SRGAP2: variants seen among roughly 807,000 people sequenced by gnomAD.
SRGAP2 encodes SLIT-ROBO Rho GTPase-activating protein 2.
In SRGAP2, 15 loss-of-function variants were observed where a neutral mutation model predicts 57.2. The observed-to-expected ratio is 0.26, with a 90% CI of 0.18 to 0.40. The LOEUF (loss-of-function observed/expected upper bound fraction) is 0.40. Among genes scored for constraint, SRGAP2 ranks in the 10% least tolerant of loss-of-function variants. The pLI is 1.00. For synonymous variants in SRGAP2, 249 were observed against 248.0 expected, an observed-to-expected ratio of 1.00 and a Z score of -0.04; for missense variants, 520 against 669.6, an observed-to-expected ratio of 0.78 and a Z score of 2.47.
rs530831171 is a variant in SRGAP2 at position 206,334,646 on chromosome 1, C to G, written c.261-8200C>G. Among the ~76,000 whole-genome samples the G allele has an allele frequency of 2.1e-3, 315 of 152,220 alleles. 2 individuals are homozygous for G. The highest frequency in any genetic ancestry group is 6.2e-3 in the African/African-American group (256 of 41,506). On this transcript the variant is annotated intron_variant, in intron 3 of 22. Transcript: ENST00000573034. ...TGTAGATCAAACTTCTCCGCTCATG[C>G]CTGGTGCCAGAGAGATGCTTGCTCT...
At chr1:206,414,033 C>T (rs12060399) in intron 10 of SRGAP2, among the ~76,000 whole-genome samples, 7,383 of 128,772 alleles carry the variant, frequency 0.057, 541 homozygotes, top group African/African-American at 0.18. Context: ...CTTTTTCTTT[C>T]TTTTTTTTTT....
chr1:206,213,647 T>A (rs1571579765), intron 2 of SRGAP2, among the ~76,000 whole-genome samples: 3 of 151,962 alleles, frequency 2.0e-5, no homozygotes, highest in African/African-American at 7.3e-5. Flanking sequence ...TGGCTGGGTG[T>A]GGTGGCTTAC....
At chr1:206,214,646 G>A (rs569754673) in intron 2 of SRGAP2, 1 of 151,942 alleles carries the variant, frequency 6.6e-6, no homozygotes, top group African/African-American at 2.4e-5. Flanking sequence ...TGTAGAATTA[G>A]CTGAGGGTGG....
chr1:206,451,545 T>A (rs1333710961), intron 19 of SRGAP2, among the ~76,000 whole-genome samples: 1 of 151,980 alleles, frequency 6.6e-6, no homozygotes, highest in Non-Finnish European at 1.5e-5. Context: ...TTGCTGGGAA[T>A]TCTGCAATTC....
At chr1:206,388,429 T>A (rs1451392395) in intron 5 of SRGAP2, among the ~76,000 whole-genome samples, 2 of 150,612 alleles carry the variant, frequency 1.3e-5, no homozygotes, top group Non-Finnish European at 3.0e-5. Context: ...TTAGTTTTAA[T>A]AGGGAGAGAC....
intron 4 of SRGAP2, among the ~76,000 whole-genome samples, chr1:206,381,114 G>A (rs1553347111): frequency 6.6e-6 from 1 of 152,224 alleles, no homozygotes; most frequent in African/African-American, 2.4e-5. Context: ...AATAAACAGG[G>A]ATAATAGTTG....
intron 11 of SRGAP2, among the ~76,000 whole-genome samples, chr1:206,417,414 C>CTTTT (rs1219905489): frequency 2.7e-5 from 3 of 110,794 alleles, no homozygotes; most frequent in African/African-American, 3.8e-5. Context: ...GATCTTATGA[C>CTTTT]TTTTTTTTTT....
intron 12 of SRGAP2, 56 bp from the exon 13 acceptor site, chr1:206,421,194 C>T (rs1009814643): frequency 9.3e-6 from 7 of 751,310 alleles, no homozygotes; most frequent in Non-Finnish European, 1.7e-5. Context: ...CCAATTTTCT[C>T]TTTTTCTCCC....
At chr1:206,247,449 G>A (rs1553310257) in intron 2 of SRGAP2, among the ~76,000 whole-genome samples, 1 of 151,716 alleles carries the variant, frequency 6.6e-6, no homozygotes. Context: ...AATGATGCCA[G>A]GGAGAGGGAG....
intron 4 of SRGAP2, among the ~76,000 whole-genome samples, chr1:206,371,731 CAAA>C (rs1189315186): frequency 3.6e-3 from 244 of 68,352 alleles, no homozygotes; most frequent in Middle Eastern, 5.3e-3. Context: ...ACTCCGTCTC[CAAA>C]AAAAAAAAGA....
intron 4 of SRGAP2, among the ~76,000 whole-genome samples, chr1:206,363,093 C>T (rs1467190070): frequency 1.3e-5 from 2 of 151,678 alleles, no homozygotes; most frequent in Non-Finnish European, 2.9e-5. Flanking sequence ...GGAGATAAAA[C>T]CATTTATGCA....
rs1424803525 is a variant in SRGAP2 at position 206,276,987 on chromosome 1, G to A, written c.68-26294G>A. Among the ~76,000 whole-genome samples the A allele has an allele frequency of 4.5e-4, 68 of 149,496 alleles. No homozygotes were observed. In the South Asian group the frequency reaches 0.011, roughly 24 times the overall value. ...ACTCTTTTTTTTTTTTTTTTGAGAC[G>A]GAGTTTTGCTCCTGTTGCCCAGGCT... On this transcript the variant is annotated intron_variant, in intron 2 of 22. Coordinates refer to ENST00000573034, the MANE Select transcript of SRGAP2 (RefSeq NM_015326.5).
chr1:206,307,816 G>C (rs1243527110), intron 3 of SRGAP2, among the ~76,000 whole-genome samples: 4,193 of 151,718 alleles, frequency 0.028, 56 homozygotes, highest in Middle Eastern at 0.034. Flanking sequence ...CGCAGCCCCG[G>C]TTCCCGCTCG....
chr1:206,327,360 T>A (rs1220631830), intron 3 of SRGAP2, among the ~76,000 whole-genome samples: 4 of 151,284 alleles, frequency 2.6e-5, no homozygotes, highest in Non-Finnish European at 5.9e-5. Flanking sequence ...TCCTATTTAG[T>A]ATACTAATGA....
At chr1:206,401,280 T>C (rs1229071502) in intron 7 of SRGAP2, 141 bp from the exon 8 acceptor site, 4 of 712,770 alleles carry the variant, frequency 5.6e-6, no homozygotes, top group African/African-American at 1.8e-5. Flanking sequence ...ACCCAGACCT[T>C]GGAAGTCGGA....
intron 11 of SRGAP2, among the ~76,000 whole-genome samples, chr1:206,418,888 CTGTGTGTGTGTGTG>C (rs1159940831): frequency 0.01 from 1,426 of 136,640 alleles, 27 homozygotes; most frequent in African/African-American, 0.036. Context: ...CCAACTCTCT[CTGTGTGTGTGTGTG>C]TGTGTGTGTG....
intron 2 of SRGAP2, among the ~76,000 whole-genome samples, chr1:206,292,651 C>T (rs1215926134): frequency 1.5e-4 from 22 of 147,804 alleles, no homozygotes; most frequent in Middle Eastern, 3.2e-3. Context: ...AATCTACTTT[C>T]CTATCTCTCC....
intron 3 of SRGAP2, among the ~76,000 whole-genome samples, chr1:206,309,167 TAAA>T (rs1334138473): frequency 7.6e-6 from 1 of 131,676 alleles, no homozygotes; most frequent in Non-Finnish European, 1.6e-5. Context: ...CCCTGTGTCT[TAAA>T]AAAAAAAAAA....
At position 206,353,416 on chromosome 1, in the gene SRGAP2, G is replaced by A. The variant is rs1428202670; in HGVS notation, c.423+10408G>A. Among the ~76,000 whole-genome samples the A allele has an allele frequency of 7.2e-4, 110 of 152,126 alleles. 1 individual carries two copies. The highest frequency in any genetic ancestry group is 1.5e-3 in the South Asian group (7 of 4,820). On this transcript the variant is annotated intron_variant, in intron 4 of 22. Coordinates refer to ENST00000573034, the MANE Select transcript of SRGAP2 (RefSeq NM_015326.5). ...AATCCCAGCACTTTGGGAGGCCAAG[G>A]TGGGTGGATCACTTGAGGTCAAGAG...
Sources: gnomAD v4.1 joint callset for allele counts (sites outside exome capture counted in the v4.1 genomes callset) on GRCh38, gnomAD v4.1.1 for gene constraint, MANE v1.5 for transcripts, NCBI Gene and HGNC (gene_info 2026-07-23, HGNC 2026-07-21) for gene names.